OXNAD1: variants seen among roughly 807,000 people sequenced by gnomAD.
OXNAD1 encodes the protein oxidoreductase NAD-binding domain-containing protein 1.
A neutral mutation model predicts 32.9 loss-of-function variants in OXNAD1; 34 were observed. The ratio of observed to expected loss-of-function variants is 1.03; its 90% CI spans 0.79 to 1.38. The LOEUF is 1.38. Ranked by LOEUF, OXNAD1 falls within the 40% of genes most tolerant of loss-of-function variation. The pLI, the probability that OXNAD1 is intolerant of heterozygous loss-of-function variation, is 0.00. For missense variants in OXNAD1, 407 were observed against 379.4 expected (o/e 1.07, Z -0.60); for synonymous variants, 134 against 135.2 (o/e 0.99, Z 0.06).
Position 16,317,129 on chromosome 3 carries a change from T to C in OXNAD1, c.*30+13537T>C. The C allele has an allele frequency of 3.1e-6, 5 of 1,613,872 alleles. No homozygotes were observed. Among genetic ancestry groups the C allele is most frequent in the Non-Finnish European group, 4.2e-6 (5 of 1,179,972 alleles). ...TTTGGAAGACTGGTCTTCTAAGTTCTTCTCATTTTCTTCTGCTTGTTGTTT... is the reference window on the plus strand; with the variant it reads ...TTTGGAAGACTGGTCTTCTAAGTTCCTCTCATTTTCTTCTGCTTGTTGTTT... On this transcript the variant is annotated intron_variant, in intron 9 of 9. Transcript: ENST00000435829. This position sits in a 1 kb window ranked among gnomAD's most constrained non-coding sequence, Gnocchi z 4.3.
At chr3:16,324,976 G>A (rs1202276881) in intron 9 of OXNAD1, among the ~76,000 whole-genome samples, 3 of 151,522 alleles carry the variant, frequency 2.0e-5, no homozygotes, top group African/African-American at 7.3e-5. Context: ...CTATACCCTT[G>A]TCTTTTTTAT....
intron 4 of OXNAD1, among the ~76,000 whole-genome samples, chr3:16,272,619 A>T (rs982329493): frequency 2.0e-5 from 3 of 149,994 alleles, no homozygotes; most frequent in Non-Finnish European, 4.4e-5. Context: ...GACTAAGGGT[A>T]ATGTGTTTGT....
rs940449531 is a variant in OXNAD1 at position 16,288,468 on chromosome 3, C to A, written c.290+2020C>A. ...AATGAGGTTCCAGGCACAACTCTAA[C>A]TAAATAAATGAATGTTGTCTGTGAC... On this transcript the variant is annotated intron_variant, in intron 5 of 8. Transcript: ENST00000285083. This position sits in a 1 kb window ranked among gnomAD's most constrained non-coding sequence, Gnocchi z 5.1. 6.6e-6 allele frequency among the ~76,000 whole-genome samples: 1 copy of A among 152,148 alleles called. No homozygotes were observed. Among genetic ancestry groups the A allele is most frequent in the Non-Finnish European group, 1.5e-5 (1 of 68,034 alleles).
intron 6 of OXNAD1, among the ~76,000 whole-genome samples, chr3:16,295,499 C>A (rs1396970205): frequency 1.3e-5 from 2 of 152,116 alleles, no homozygotes; most frequent in African/African-American, 2.4e-5. Flanking sequence ...GAGAGAGAAT[C>A]CAATTTGATT....
Position 16,327,663 on chromosome 3 carries a change from A to G in OXNAD1, c.*31-9449A>G, listed in dbSNP as rs1379840523. ...GTAGTCCCAGCTACTCGGGAGGCTG[A>G]GGCAGGAGAATGGCGTGAACCCGGG... On this transcript the variant is annotated intron_variant, in intron 9 of 9. Coordinates refer to the OXNAD1 transcript ENST00000435829. This position sits in a 1 kb window ranked among gnomAD's most constrained non-coding sequence, Gnocchi z 4.2. Among the ~76,000 whole-genome samples the G allele has an allele frequency of 6.6e-6, 1 of 152,030 alleles. No homozygotes were observed. The highest frequency in any genetic ancestry group is 2.4e-5 in the African/African-American group (1 of 41,392).
chr3:16,338,727 ATATCT>A (rs2071092908), downstream of OXNAD1, among the ~76,000 whole-genome samples: 1 of 152,216 alleles, frequency 6.6e-6, no homozygotes, highest in Non-Finnish European at 1.5e-5. The surrounding 1 kb of genome is among the most constrained non-coding windows in gnomAD (Gnocchi z 5.3). Context: ...ATCCTATATC[ATATCT>A]TTAGCCCTTC....
In OXNAD1 at chr3:16,304,622, A is replaced by G. The variant is rs545382396; in HGVS notation, c.*1060A>G. The G allele has an allele frequency of 7.9e-5, 12 of 152,348 alleles. No individual in the cohort carries two copies. The highest frequency in any genetic ancestry group is 2.9e-4 in the African/African-American group (12 of 41,574). 9.4% of individuals were successfully genotyped at this position (152,348 alleles called of 1,614,324 possible). A position where few individuals can be genotyped will look rare whatever the true frequency, so the allele number is the denominator to read the frequency against. ...CTTTGTTTAGATTTTTAAAAATCCA[A>G]AAGAAGTCCTGACTGAGGCCAGGCC... On this transcript the variant is annotated 3_prime_UTR_variant, in exon 9 of 9. Transcript: ENST00000285083. This position sits in a 1 kb window ranked among gnomAD's most constrained non-coding sequence, Gnocchi z 4.6.
At chr3:16,270,052 G>GT (rs1479815777) in intron 2 of OXNAD1, among the ~76,000 whole-genome samples, 1 of 152,194 alleles carries the variant, frequency 6.6e-6, no homozygotes, top group East Asian at 1.9e-4. Flanking sequence ...CTGTGTGTGT[G>GT]TTTAACTTTT....
Position 16,265,481 on chromosome 3 carries a change from T to G in OXNAD1, c.-183T>G, listed in dbSNP as rs1334395536. The stretch of plus-strand genomic sequence containing the variant: ...AGTGACCTTGAGCCCAGGGCGACGG[T>G]CAGCTTGTTAATTCCTGGCTGCAGG... On this transcript the variant is annotated 5_prime_UTR_variant, in exon 1 of 9. Coordinates refer to ENST00000285083, the MANE Select transcript of OXNAD1 (RefSeq NM_138381.5). This position sits in a 1 kb window ranked among gnomAD's most constrained non-coding sequence, Gnocchi z 4.8. 6.5e-6 allele frequency: 1 copy of G among 152,986 alleles called. No individual in the cohort carries two copies. The highest frequency in any genetic ancestry group is 1.5e-5 in the Non-Finnish European group (1 of 68,504). 9.5% of individuals were successfully genotyped at this position (152,986 alleles called of 1,614,324 possible). A position where few individuals can be genotyped will look rare whatever the true frequency, so the allele number is the denominator to read the frequency against.
At chr3:16,333,836 A>T (rs1399567153) in intron 9 of OXNAD1, among the ~76,000 whole-genome samples, 3 of 152,348 alleles carry the variant, frequency 2.0e-5, no homozygotes, top group South Asian at 2.1e-4. Flanking sequence ...CACTAAGTGC[A>T]TGAGAGAAAT....
intron 9 of OXNAD1, among the ~76,000 whole-genome samples, chr3:16,324,689 T>TTA (rs1225720380): frequency 3.5e-4 from 41 of 116,622 alleles, no homozygotes; most frequent in African/African-American, 6.4e-4. Flanking sequence ...TGTGTGTATT[T>TTA]TATATATATA....
chr3:16,338,304 G>A (rs2071053461), downstream of OXNAD1, among the ~76,000 whole-genome samples: 1 of 152,248 alleles, frequency 6.6e-6, no homozygotes, highest in Non-Finnish European at 1.5e-5. The surrounding 1 kb of genome is among the most constrained non-coding windows in gnomAD (Gnocchi z 5.3). Context: ...CAAGGCTCCT[G>A]ATCACAGGGA....
chr3:16,300,220 A>G (rs1471206139), intron 6 of OXNAD1, among the ~76,000 whole-genome samples: 1 of 152,248 alleles, frequency 6.6e-6, no homozygotes, highest in African/African-American at 2.4e-5. Context: ...TTTAAATAAC[A>G]TAATTCTCTA....
chr3:16,308,841 C>G (rs972566379), downstream of OXNAD1, among the ~76,000 whole-genome samples: 3 of 152,154 alleles, frequency 2.0e-5, no homozygotes, highest in Non-Finnish European at 4.4e-5. This position sits in a 1 kb window ranked among gnomAD's most constrained non-coding sequence, Gnocchi z 4.4. Flanking sequence ...ATCCCCATGT[C>G]CTATTTTGCT....
chr3:16,273,525 C>T (rs537309435), intron 4 of OXNAD1, among the ~76,000 whole-genome samples: 2 of 151,762 alleles, frequency 1.3e-5, no homozygotes, highest in African/African-American at 2.4e-5. Context: ...TCCTGATTAG[C>T]GAGGACTACA....
chr3:16,292,393 A>G (rs1413884511), intron 5 of OXNAD1, among the ~76,000 whole-genome samples: 1 of 152,008 alleles, frequency 6.6e-6, no homozygotes, highest in African/African-American at 2.4e-5. Flanking sequence ...GGGTTTTACC[A>G]TGTTGGCCAA....
At position 16,267,558 on chromosome 3, in the gene OXNAD1, T is replaced by C. The variant is rs144287174; in HGVS notation, c.-158-1568T>C. Among the ~76,000 whole-genome samples, 865 of 152,308 alleles carry C rather than the reference T, an allele frequency of 5.7e-3. 7 individuals carry two copies. The highest frequency in any genetic ancestry group is 0.02 in the African/African-American group (817 of 41,552). ...CTTGCTAGTCCTTCTGCCAGAGTTG[T>C]CTGCCTTTAACATTTGCTTGGCCGC... On this transcript the variant is annotated intron_variant, in intron 1 of 8. Transcript: ENST00000285083.
At chr3:16,278,555 C>T (rs1337013990) in intron 4 of OXNAD1, among the ~76,000 whole-genome samples, 1 of 152,186 alleles carries the variant, frequency 6.6e-6, no homozygotes, top group Non-Finnish European at 1.5e-5. Context: ...CTCACTTTCA[C>T]TCTCAAAATT....
intron 4 of OXNAD1, among the ~76,000 whole-genome samples, chr3:16,273,863 G>A (rs2065138071): frequency 6.6e-6 from 1 of 151,992 alleles, no homozygotes; most frequent in Admixed American, 6.5e-5. Flanking sequence ...TCAAATTTGT[G>A]TGGATATAAA....
Sources: allele counts gnomAD v4.1 joint callset (sites outside exome capture counted in the v4.1 genomes callset), GRCh38; gene constraint gnomAD v4.1.1; non-coding constraint Gnocchi (gnomAD v3.1); transcripts MANE v1.5; gene names NCBI Gene and HGNC (gene_info 2026-07-23, HGNC 2026-07-21).